The following FAF1 variants were observed in gnomAD, a reference collection of about 807,000 sequenced individuals.
FAF1 encodes the protein Fas associated factor 1.
FAF1 carries 25 observed loss-of-function variants against 92.5 expected under a neutral mutation model. The ratio of observed to expected loss-of-function variants is 0.27; its 90% CI spans 0.20 to 0.38. The LOEUF is 0.38. FAF1 is among the 10% of genes least tolerant of loss of function. FAF1 has a pLI of 1.00. For synonymous variants in FAF1, 234 were observed against 273.2 expected (o/e 0.86, Z 1.42); for missense variants, 636 against 793.3 (o/e 0.80, Z 2.38).
Position 50,437,321 on chromosome 1 carries a change from G to A in FAF1, c.*4119C>T, listed in dbSNP as rs1184477141. The A allele has an allele frequency of 6.6e-6, 1 of 151,712 alleles. No homozygotes were observed. Among genetic ancestry groups the A allele is most frequent in the East Asian group, 1.9e-4 (1 of 5,188 alleles). The allele number at this position is 151,712 out of a possible 1,614,324, so 9.4% of individuals were successfully genotyped here. The stretch of plus-strand genomic sequence containing the variant: ...ATTCTTAAAATTTTTTGATCAATAG[G>A]TCCCACTGAGAATCTGATGAATACA... On this transcript the variant is annotated 3_prime_UTR_variant, in exon 19 of 19. Coordinates refer to ENST00000396153, the MANE Select transcript of FAF1 (RefSeq NM_007051.3).
At chr1:50,729,124 C>T (rs1195997371) in intron 6 of FAF1, among the ~76,000 whole-genome samples, 1 of 145,612 alleles carries the variant, frequency 6.9e-6, no homozygotes, top group Non-Finnish European at 1.5e-5. Flanking sequence ...GGCACAATCT[C>T]GGCTCACTGC....
chr1:50,516,621 T>C (rs774221698), intron 15 of FAF1, among the ~76,000 whole-genome samples: 3 of 152,172 alleles, frequency 2.0e-5, no homozygotes, highest in Non-Finnish European at 2.9e-5. Context: ...GTTAGACAGC[T>C]CCTTTCTTGA....
chr1:50,637,744 CAT>C (rs746383348), intron 8 of FAF1, among the ~76,000 whole-genome samples: 97 of 149,646 alleles, frequency 6.5e-4, no homozygotes, highest in South Asian at 1.1e-3. Context: ...CATATATACA[CAT>C]ATATATATAG....
intron 15 of FAF1, among the ~76,000 whole-genome samples, chr1:50,517,726 C>T (rs368170216): frequency 1.3e-5 from 2 of 152,112 alleles, no homozygotes; most frequent in Non-Finnish European, 2.9e-5. Context: ...AGATATTTTT[C>T]CAATTAGCAT....
chr1:50,487,459 T>C (rs1354002871), intron 17 of FAF1, among the ~76,000 whole-genome samples: 1 of 152,186 alleles, frequency 6.6e-6, no homozygotes, highest in Non-Finnish European at 1.5e-5. Context: ...CTTAATCCCT[T>C]TGAATTGCAT....
intron 1 of FAF1, among the ~76,000 whole-genome samples, chr1:50,910,055 G>C (rs2124720436): frequency 6.6e-6 from 1 of 152,254 alleles, no homozygotes; most frequent in South Asian, 2.1e-4. Context: ...GTACAGACGG[G>C]GTTTTGGTGT....
At chr1:50,691,230 A>T (rs1338077768) in intron 7 of FAF1, among the ~76,000 whole-genome samples, 1 of 152,034 alleles carries the variant, frequency 6.6e-6, no homozygotes, top group African/African-American at 2.4e-5. Flanking sequence ...CTTTGCCAAT[A>T]CAACACTTGT....
At chr1:50,743,175 CAAACTTCCTGT>C (rs1659453666) in intron 5 of FAF1, among the ~76,000 whole-genome samples, 1 of 152,178 alleles carries the variant, frequency 6.6e-6, no homozygotes, top group Non-Finnish European at 1.5e-5. Flanking sequence ...CTTGCCAACC[CAAACTTCCTGT>C]AAATATCTCA....
chr1:50,701,813 A>G (rs1025186163), intron 7 of FAF1, among the ~76,000 whole-genome samples: 1 of 151,798 alleles, frequency 6.6e-6, no homozygotes, highest in African/African-American at 2.4e-5. Flanking sequence ...ATGTTTTACT[A>G]CTCCCTGCAA....
intron 9 of FAF1, among the ~76,000 whole-genome samples, chr1:50,590,085 T>C (rs1031455001): frequency 3.3e-5 from 5 of 152,218 alleles, no homozygotes; most frequent in Non-Finnish European, 5.9e-5. Context: ...TTACTAAACA[T>C]TGGAATCAGG....
chr1:50,887,543 T>A (rs1455196726), intron 1 of FAF1, among the ~76,000 whole-genome samples: 1 of 152,220 alleles, frequency 6.6e-6, no homozygotes, highest in Non-Finnish European at 1.5e-5. Flanking sequence ...CATCTTTGAA[T>A]TAATTTTTGT....
intron 17 of FAF1, among the ~76,000 whole-genome samples, chr1:50,484,685 A>G (rs1427152001): frequency 1.3e-5 from 2 of 152,160 alleles, no homozygotes; most frequent in Non-Finnish European, 2.9e-5. Context: ...CAAATTATAA[A>G]GAGCAGTTTT....
chr1:50,567,145 A>G lies in FAF1; in HGVS notation c.1200T>C (p.Ile400=). ...TAAAATTTTGACTCAGATAAGAAAC[A>G]ATGGATTCAGCACAAAGCATTTGTG... The part of the protein sequence containing the change: ...FCSQMLCAES[I]VSYLSQNFIT... Residue 400 remains isoleucine, a synonymous_variant, in exon 13 of 19, where the codon ATT becomes ATC. Transcript: ENST00000396153. The G allele has an allele frequency of 6.2e-7, 1 of 1,610,880 alleles. No individual in the cohort carries two copies.
At chr1:50,543,569 T>C (rs975201907) in intron 13 of FAF1, among the ~76,000 whole-genome samples, 1 of 152,216 alleles carries the variant, frequency 6.6e-6, no homozygotes, top group Non-Finnish European at 1.5e-5. Flanking sequence ...GCCTAAAATA[T>C]GGTAGGCCCT....
chr1:50,676,569 C>T lies in FAF1; in HGVS notation c.658-21041G>A, dbSNP rs545196444. ...GGCACAATGGCTCATGCCTGTAATC[C>T]CAGCACTTTGGGAGACCGAGGTCGG... On this transcript the variant is annotated intron_variant, in intron 7 of 18. Coordinates refer to ENST00000396153, the MANE Select transcript of FAF1 (RefSeq NM_007051.3). Among the ~76,000 whole-genome samples, 3 of 152,052 alleles carry T rather than the reference C, an allele frequency of 2.0e-5. No homozygotes were observed. The South Asian group carries it at 6.2e-4, about 32-fold the overall frequency.
chr1:50,792,136 G>A (rs540880200), intron 3 of FAF1, among the ~76,000 whole-genome samples: 7 of 152,208 alleles, frequency 4.6e-5, no homozygotes, highest in East Asian at 3.9e-4. Context: ...CCAAGGACTC[G>A]AGGATGGCTG....
chr1:50,952,668 T>G (rs1163759479), intron 1 of FAF1, among the ~76,000 whole-genome samples: 1 of 145,314 alleles, frequency 6.9e-6, no homozygotes, highest in Non-Finnish European at 1.5e-5. Flanking sequence ...GTGAGGAGCA[T>G]CTCTGCCCGG....
intron 2 of FAF1, among the ~76,000 whole-genome samples, chr1:50,852,248 A>T (rs1191077630): frequency 1.3e-5 from 2 of 152,192 alleles, no homozygotes; most frequent in African/African-American, 2.4e-5. Flanking sequence ...CTTTCCTCAA[A>T]CCTTATGTTT....
intron 15 of FAF1, among the ~76,000 whole-genome samples, chr1:50,509,034 C>A (rs1647098151): frequency 6.6e-6 from 1 of 152,134 alleles, no homozygotes; most frequent in South Asian, 2.1e-4. Flanking sequence ...GGCTAATTTT[C>A]TGTTATGTGA....
Sources: gnomAD v4.1 joint callset for allele counts (sites outside exome capture counted in the v4.1 genomes callset) on GRCh38, gnomAD v4.1.1 for gene constraint, MANE v1.5 for transcripts, NCBI Gene and HGNC (gene_info 2026-07-23, HGNC 2026-07-21) for gene names.